Variants in LRRC14 observed in about 807,000 individuals in gnomAD.
LRRC14 encodes the protein leucine rich repeat containing 14, also known as leucine-rich repeat-containing protein 14.
In LRRC14, 16 loss-of-function variants were observed where a neutral mutation model predicts 25.3. That is an observed-to-expected ratio of 0.63 (90% CI 0.43 to 0.96). The LOEUF is 0.96. LRRC14 is among the 40% of genes least tolerant of loss of function. LRRC14 has a pLI of 0.00. For synonymous variants in LRRC14, 359 were observed against 295.1 expected, an observed-to-expected ratio of 1.22 and a Z score of -2.22; for missense variants, 594 against 660.5, an observed-to-expected ratio of 0.90 and a Z score of 1.10.
rs1816099905 is a variant in LRRC14, at chr8:144,521,995, A to T, written c.*517A>T. 1 of 174,038 alleles carries T rather than the reference A, an allele frequency of 5.7e-6. No individual in the cohort carries two copies. Among genetic ancestry groups the T allele is most frequent in the South Asian group, 1.6e-4 (1 of 6,282 alleles). 10.8% of individuals were successfully genotyped at this position (174,038 alleles called of 1,614,324 possible). On this transcript the variant is annotated 3_prime_UTR_variant, in exon 4 of 4. Transcript: ENST00000292524. ...GGCTGGGCTCGGGCTGGAGGGGGTC[A>T]TCAAGGTACACATGTGCCTGGAAGT... is the stretch of plus-strand genomic sequence containing the variant.
Position 144,520,715 on chromosome 8 carries a change from C to G in LRRC14, c.807C>G (p.Gly269=). 2.5e-6 allele frequency: 4 copies of G among 1,599,432 alleles called. No individual in the cohort carries two copies. The highest frequency in any genetic ancestry group is 2.5e-6 in the Non-Finnish European group (3 of 1,179,950). The stretch of plus-strand genomic sequence containing the variant: ...ATTCAAGGCAGCCCTCCGTGGATGG[C>G]GAGGACAACTTCCGCTACTTCCTTG... ...HGDSRQPSVD[G]EDNFRYFLAQ... is the part of the protein sequence containing the mutation. Residue 269 remains glycine, a synonymous_variant, in exon 3 of 4, where the codon GGC becomes GGG. Transcript: ENST00000292524.
intron 1 of LRRC14, chr8:144,518,443 G>A (rs912063197): frequency 6.6e-6 from 1 of 152,304 alleles, no homozygotes; most frequent in Non-Finnish European, 1.5e-5. Flanking sequence ...GCGTCGCACG[G>A]AGGTGCCTGC....
At position 144,521,137 on chromosome 8, in the gene LRRC14, C is replaced by T; in HGVS notation, c.1141C>T (p.Gln381Ter). Residue 381 changes from glutamine to a stop codon, truncating the protein, a stop_gained, in exon 4 of 4, where the codon CAG (glutamine) becomes TAG (stop). Coordinates refer to ENST00000292524, the MANE Select transcript of LRRC14 (RefSeq NM_014665.4). LOFTEE classifies it low-confidence loss of function (END_TRUNC). ...GACTGAGTGTCAGCTCGCAGACACC[C>T]AGCTGTTGGCCACACTACCCATCCT... ...ELTECQLADT[Q>*]LLATLPILTQ... 2 of 1,613,098 alleles carry T rather than the reference C, an allele frequency of 1.2e-6. No individual in the cohort carries two copies. Among genetic ancestry groups the T allele is most frequent in the Non-Finnish European group, 1.7e-6 (2 of 1,180,036 alleles).
chr8:144,523,933 C>T lies in LRRC14; in HGVS notation c.*2455C>T. The stretch of plus-strand genomic sequence containing the variant: ...CTTCTGTTTTCCCCAGGCAGGGTGC[C>T]TGAGCTGTATTCCCCAGCACACCCA... On this transcript the variant is annotated 3_prime_UTR_variant, in exon 4 of 4. Transcript: ENST00000292524. The T allele has an allele frequency of 1.4e-6, 1 of 715,786 alleles. No individual in the cohort carries two copies. The highest frequency in any genetic ancestry group is 1.9e-5 in the South Asian group (1 of 53,218). The allele number at this position is 715,786 out of a possible 1,614,324, so 44.3% of individuals were successfully genotyped here. A position where few individuals can be genotyped will look rare whatever the true frequency, so the allele number is the denominator to read the frequency against.
At chr8:144,519,455 C>G (rs557133956) in intron 1 of LRRC14, 160 bp from the exon 2 acceptor site, 2 of 559,274 alleles carry the variant, frequency 3.6e-6, no homozygotes, top group Non-Finnish European at 6.4e-6. Flanking sequence ...CGATGCCACA[C>G]TGCTTGACGC....
Position 144,522,286 on chromosome 8 carries a change from C to A in LRRC14, c.*808C>A. 1.2e-6 allele frequency: 1 copy of A among 804,262 alleles called. No individual in the cohort carries two copies. 49.8% of individuals were successfully genotyped at this position (804,262 alleles called of 1,614,324 possible). On this transcript the variant is annotated 3_prime_UTR_variant, in exon 4 of 4. Transcript: ENST00000292524. ...GGGTGATGTCTTTTCGGAAGAGCTT[C>A]AAGGGAGGTGTTGGGGCCTCCCCGG...
chr8:144,523,068 G>A lies in LRRC14; in HGVS notation c.*1590G>A, dbSNP rs773323555. 12 of 1,607,228 alleles carry A rather than the reference G, an allele frequency of 7.5e-6. No homozygotes were observed. The highest frequency in any genetic ancestry group is 2.2e-5 in the East Asian group (1 of 44,824). ...GTGTCGGATGCCGAGTGTCCGCCCA[G>A]GCCCAGCAACCCGCCTTCTAGCTGG... is the stretch of plus-strand genomic sequence containing the variant. On this transcript the variant is annotated 3_prime_UTR_variant, in exon 4 of 4. Coordinates refer to ENST00000292524, the MANE Select transcript of LRRC14 (RefSeq NM_014665.4).
In LRRC14 at chr8:144,523,735, C is replaced by T. The variant is rs775614809; in HGVS notation, c.*2257C>T. The T allele has an allele frequency of 7.1e-6, 3 of 421,558 alleles. No homozygotes were observed. Among genetic ancestry groups the T allele is most frequent in the Non-Finnish European group, 8.4e-6 (2 of 238,360 alleles). The allele number at this position is 421,558 out of a possible 1,614,324, so 26.1% of individuals were successfully genotyped here. A position where few individuals can be genotyped will look rare whatever the true frequency, so the allele number is the denominator to read the frequency against. On this transcript the variant is annotated 3_prime_UTR_variant, in exon 4 of 4. Transcript: ENST00000292524. ...AACCTGGGCGTCCACATAGACATCT[C>T]ACCAGCACTGAAACCTCACAAGTCC... is the stretch of plus-strand genomic sequence containing the variant.
chr8:144,520,894 C>G lies in LRRC14; in HGVS notation c.915-17C>G. 6.2e-7 allele frequency: 1 copy of G among 1,601,420 alleles called. No homozygotes were observed. The highest frequency in any genetic ancestry group is 1.1e-5 in the South Asian group (1 of 90,922). ...CTCCCTGGCTCTGCCTGTCTGTGAC[C>G]CCTGTGTCCCCTGTAGCACCCTGCA... On this transcript the variant is annotated splice_polypyrimidine_tract_variant and intron_variant, in intron 3 of 3. Coordinates refer to ENST00000292524, the MANE Select transcript of LRRC14 (RefSeq NM_014665.4).
rs1816259725 is a variant in LRRC14, at chr8:144,524,295, A to G, written c.*2817A>G. 9 of 1,609,884 alleles carry G rather than the reference A, an allele frequency of 5.6e-6. No homozygotes were observed. The highest frequency in any genetic ancestry group is 7.6e-6 in the Non-Finnish European group (9 of 1,179,806). ...CTGCAGTCGCTGAAGTAAGGACAGC[A>G]GATCGTGAGGAAAAAGGGCGCCGAG... On this transcript the variant is annotated 3_prime_UTR_variant, in exon 4 of 4. Coordinates refer to ENST00000292524, the MANE Select transcript of LRRC14 (RefSeq NM_014665.4).
At position 144,520,373 on chromosome 8, in the gene LRRC14, C is replaced by A. The variant is rs138120881; in HGVS notation, c.465C>A (p.Ala155=). Residue 155 remains alanine, a synonymous_variant, in exon 3 of 4, where the codon GCC becomes GCA. Transcript: ENST00000292524. ...RTCIAQQQGG[A]AEPGPAPIPV... ...GCATTGCCCAGCAGCAGGGTGGGGC[C>A]GCAGAGCCTGGGCCAGCCCCCATCC... The A allele has an allele frequency of 5.6e-6, 9 of 1,610,920 alleles. No individual in the cohort carries two copies. The highest frequency in any genetic ancestry group is 7.6e-6 in the Non-Finnish European group (9 of 1,179,542).
Position 144,523,938 on chromosome 8 carries a change from C to G in LRRC14, c.*2460C>G. Reference sequence around the variant, plus strand: ...GTTTTCCCCAGGCAGGGTGCCTGAGCTGTATTCCCCAGCACACCCACTCCC... The same window carrying G: ...GTTTTCCCCAGGCAGGGTGCCTGAGGTGTATTCCCCAGCACACCCACTCCC... On this transcript the variant is annotated 3_prime_UTR_variant, in exon 4 of 4. Transcript: ENST00000292524. The G allele has an allele frequency of 1.4e-6, 1 of 735,922 alleles. No individual in the cohort carries two copies. Among genetic ancestry groups the G allele is most frequent in the Non-Finnish European group, 2.3e-6 (1 of 443,566 alleles). 45.6% of individuals were successfully genotyped at this position (735,922 alleles called of 1,614,324 possible). A position where few individuals can be genotyped will look rare whatever the true frequency, so the allele number is the denominator to read the frequency against.
At position 144,524,563 on chromosome 8, in the gene LRRC14, T is replaced by C. The variant is rs1408638872; in HGVS notation, c.*3085T>C. 1 of 1,568,480 alleles carries C rather than the reference T, an allele frequency of 6.4e-7. No individual in the cohort carries two copies. Among genetic ancestry groups the C allele is most frequent in the South Asian group, 1.1e-5 (1 of 88,028 alleles). Reference sequence around the variant, plus strand: ...CGCAAGCCGCGCAGCCGGTTGCTAGTGAGCGCCAGCTCCAGCAGGCGCGGC... The same window carrying C: ...CGCAAGCCGCGCAGCCGGTTGCTAGCGAGCGCCAGCTCCAGCAGGCGCGGC... On this transcript the variant is annotated 3_prime_UTR_variant, in exon 4 of 4. Transcript: ENST00000292524.
At position 144,521,625 on chromosome 8, in the gene LRRC14, C is replaced by A; in HGVS notation, c.*147C>A. On this transcript the variant is annotated 3_prime_UTR_variant, in exon 4 of 4. Coordinates refer to ENST00000292524, the MANE Select transcript of LRRC14 (RefSeq NM_014665.4). ...ACCTTGCTTCTGGGCACACCTCAAG[C>A]CTCCCCTGCTTTCTGCAGTGCCCCA... is the stretch of plus-strand genomic sequence containing the variant. 1 of 790,980 alleles carries A rather than the reference C, an allele frequency of 1.3e-6. No homozygotes were observed. The highest frequency in any genetic ancestry group is 2.0e-6 in the Non-Finnish European group (1 of 511,428). 49.0% of individuals were successfully genotyped at this position (790,980 alleles called of 1,614,324 possible). A position where few individuals can be genotyped will look rare whatever the true frequency, so the allele number is the denominator to read the frequency against.
Position 144,524,985 on chromosome 8 carries a change from C to T in LRRC14, c.*3507C>T, listed in dbSNP as rs1200692430. On this transcript the variant is annotated 3_prime_UTR_variant, in exon 4 of 4. Transcript: ENST00000292524. The stretch of plus-strand genomic sequence containing the variant: ...GGCCCTCAGGGCCATCTCCCGAGGC[C>T]CGGTTCCTCACCGGCCCTTCCGCGG... 74 of 1,443,016 alleles carry T rather than the reference C, an allele frequency of 5.1e-5. No individual in the cohort carries two copies. In the East Asian group the frequency reaches 1.9e-3, roughly 37 times the overall value. The allele number at this position is 1,443,016 out of a possible 1,614,324, so 89.4% of individuals were successfully genotyped here.
Position 144,520,424 on chromosome 8 carries a change from G to A in LRRC14, c.516G>A (p.Arg172=). ...CCGTGGAGGTGCGCGTGGACCTGCGGGTGAACCGGGCCTCCTATGCGTTCC... is the reference window on the plus strand; with the variant it reads ...CCGTGGAGGTGCGCGTGGACCTGCGAGTGAACCGGGCCTCCTATGCGTTCC... ...PIPVEVRVDL[R]VNRASYAFLR... Residue 172 remains arginine (R), a synonymous_variant, in exon 3 of 4, where the codon CGG becomes CGA. Coordinates refer to ENST00000292524, the MANE Select transcript of LRRC14 (RefSeq NM_014665.4). The A allele has an allele frequency of 2.5e-6, 4 of 1,600,672 alleles. No individual in the cohort carries two copies. Among genetic ancestry groups the A allele is most frequent in the Non-Finnish European group, 3.4e-6 (4 of 1,175,438 alleles).
chr8:144,520,869 C>T (rs768710257), intron 3 of LRRC14, 42 bp from the exon 4 acceptor site: 11 of 1,594,566 alleles, frequency 6.9e-6, no homozygotes, highest in African/African-American at 2.7e-5. Flanking sequence ...TGTAGGGACC[C>T]TCCCTGGCTC....
Position 144,522,937 on chromosome 8 carries a change from G to A in LRRC14, c.*1459G>A. On this transcript the variant is annotated 3_prime_UTR_variant, in exon 4 of 4. Transcript: ENST00000292524. Reference sequence around the variant, plus strand: ...GCTGCTGCCGGGACGCGTTGACCAGGAGCCGGAAGGGCACGCGGGCAGCGC... The same window carrying A: ...GCTGCTGCCGGGACGCGTTGACCAGAAGCCGGAAGGGCACGCGGGCAGCGC... 4 of 1,547,018 alleles carry A rather than the reference G, an allele frequency of 2.6e-6. No individual in the cohort carries two copies. The highest frequency in any genetic ancestry group is 3.5e-6 in the Non-Finnish European group (4 of 1,156,222).
In LRRC14 at chr8:144,523,248, A is replaced by G; in HGVS notation, c.*1770A>G. ...TGCACGTGGACAGAGGGCGGAATGC[A>G]GATGAGGCTGCTGTGGGATACGTCC... On this transcript the variant is annotated 3_prime_UTR_variant, in exon 4 of 4. Transcript: ENST00000292524. 1 of 1,610,630 alleles carries G rather than the reference A, an allele frequency of 6.2e-7. No homozygotes were observed. The highest frequency in any genetic ancestry group is 8.5e-7 in the Non-Finnish European group (1 of 1,179,054).
Sources: allele counts gnomAD v4.1 joint callset, GRCh38; gene constraint gnomAD v4.1.1; transcripts MANE v1.5; gene names NCBI Gene and HGNC (gene_info 2026-07-23, HGNC 2026-07-21).